Variants in CEP162 observed in about 807,000 individuals in gnomAD.
CEP162 encodes centrosomal protein of 162 kDa.
CEP162 carries 141 observed loss-of-function variants against 169.2 expected under a neutral mutation model. The observed-to-expected ratio is 0.83, with a 90% CI of 0.73 to 0.96. CEP162 has a LOEUF of 0.96. Among genes scored for constraint, CEP162 ranks in the 40% least tolerant of loss-of-function variants. The probability of loss-of-function intolerance (pLI) is 0.00; values close to 1 mark genes in which losing one functional copy is unlikely to be tolerated. For synonymous variants in CEP162, 540 were observed against 526.4 expected (o/e 1.03, Z -0.35); for missense variants, 1,600 against 1,587.2 (o/e 1.01, Z -0.14).
chr6:84,142,215 TACCAGTAAAAAGTTTG>T (rs1217382898), intron 25 of CEP162, among the ~76,000 whole-genome samples: 1 of 152,200 alleles, frequency 6.6e-6, no homozygotes. Flanking sequence ...TCCTCAGAAA[TACCAGTAAAAAGTTTG>T]GCCAGCTAAA....
rs371174624 is a variant in CEP162 at position 84,194,898 on chromosome 6, G to T, written c.1013C>A (p.Ser338Tyr). 58 of 1,608,664 alleles carry T rather than the reference G, an allele frequency of 3.6e-5. No individual in the cohort carries two copies. Among genetic ancestry groups the T allele is most frequent in the Non-Finnish European group, 4.9e-5 (58 of 1,176,772 alleles). ...TAAGTTTTTACCAGATTCCATAGTA[G>T]AGATGTTTTTTGAATTCTCTTCATT... ...QENEENSKNISTMESDLPTVE... is the reference protein window; with the variant it reads ...QENEENSKNIYTMESDLPTVE... Residue 338 changes from serine (S) to tyrosine (Y), a missense_variant, in exon 10 of 27, where the codon TCT becomes TAT. Coordinates refer to ENST00000403245, the MANE Select transcript of CEP162 (RefSeq NM_014895.4).
At chr6:84,195,349 A>G (rs1304486293) in intron 9 of CEP162, among the ~76,000 whole-genome samples, 1 of 152,174 alleles carries the variant, frequency 6.6e-6, no homozygotes, top group Non-Finnish European at 1.5e-5. Context: ...CCTCTGCATA[A>G]CTATTCTTAA....
At chr6:84,208,644 T>C (rs1049048297) in intron 6 of CEP162, among the ~76,000 whole-genome samples, 1 of 152,230 alleles carries the variant, frequency 6.6e-6, no homozygotes, top group Non-Finnish European at 1.5e-5. Flanking sequence ...ATAAGAAATA[T>C]GAGCTTGGAA....
In CEP162 at chr6:84,125,168, C is replaced by A. The variant is rs2099508401; in HGVS notation, c.4114G>T (p.Glu1372Ter). The change falls in exon 27 of 27, where the codon GAA (glutamate) becomes TAA (stop). Residue 1372 changes from glutamate (E) to a stop codon, truncating the protein, a stop_gained. Transcript: ENST00000403245. LOFTEE classifies it high-confidence loss of function. The part of the protein sequence containing the change: ...KNRELEKFRT[E>*]LDSILDVLRE... The stretch of plus-strand genomic sequence containing the variant: ...AGAACATCTAATATTGAGTCTAGTT[C>A]TGTGCGGAACTTCTCCAGCTCACGA... 2 of 1,613,542 alleles carry A rather than the reference C, an allele frequency of 1.2e-6. No individual in the cohort carries two copies. Among genetic ancestry groups the A allele is most frequent in the Admixed American group, 1.7e-5 (1 of 59,916 alleles).
Position 84,195,063 on chromosome 6 carries a change from C to T in CEP162, c.848G>A (p.Gly283Glu), listed in dbSNP as rs1481937069. ...GGCTTCAACGTCACTACTGCTTTGT[C>T]CATAAGAAACACCTGTTGAAATAAA... ...NEMTGTGVSY[G>E]QSSSDVEALH... is the part of the protein sequence containing the mutation. Residue 283 changes from glycine to glutamate, a missense_variant, in exon 10 of 27, where the codon GGA (glycine) becomes GAA (glutamate). Physicochemically the swap from Gly to Glu is moderately conservative, Grantham distance 98 (BLOSUM62 -2). Coordinates refer to ENST00000403245, the MANE Select transcript of CEP162 (RefSeq NM_014895.4). 6.3e-7 allele frequency: 1 copy of T among 1,578,688 alleles called. No homozygotes were observed. The highest frequency in any genetic ancestry group is 2.0e-5 in the Admixed American group (1 of 50,724).
chr6:84,160,669 T>C (rs2099525387), intron 21 of CEP162, 143 bp downstream of exon 21: 2 of 594,670 alleles, frequency 3.4e-6, no homozygotes, highest in Non-Finnish European at 6.0e-6. Context: ...TATAAAATGA[T>C]GTTATTACTT....
chr6:84,145,278 T>C (rs1011453335), intron 25 of CEP162, among the ~76,000 whole-genome samples: 27 of 152,256 alleles, frequency 1.8e-4, no homozygotes, highest in Middle Eastern at 3.4e-3. Flanking sequence ...GGCAAGCCTT[T>C]GGCATGCGTT....
chr6:84,149,748 A>T (rs1588732274), intron 23 of CEP162, 45 bp from the exon 24 acceptor site: 2 of 1,431,418 alleles, frequency 1.4e-6, no homozygotes, highest in South Asian at 1.7e-5. Context: ...GTGGCTCTTC[A>T]ACCTCTAATT....
chr6:84,207,468 CAGAAA>C (rs1331944531), intron 6 of CEP162, among the ~76,000 whole-genome samples: 1 of 149,480 alleles, frequency 6.7e-6, no homozygotes, highest in East Asian at 2.0e-4. Context: ...GTCGCAAGGA[CAGAAA>C]ACGAAACACC....
At chr6:84,206,406 A>C (rs1449442331) in intron 6 of CEP162, among the ~76,000 whole-genome samples, 8 of 152,162 alleles carry the variant, frequency 5.3e-5, no homozygotes, top group Admixed American at 2.6e-4. Flanking sequence ...AGCCCTCAGA[A>C]ATAATACCAC....
In CEP162 at chr6:84,154,312, ATATCTATCTATC is replaced by A. The variant is rs3837002; in HGVS notation, c.2994+974_2994+985del. Among the ~76,000 whole-genome samples the A allele has an allele frequency of 3.4e-3, 515 of 150,092 alleles. 6 individuals are homozygous for A. Among genetic ancestry groups the A allele is most frequent in the African/African-American group, 0.012 (475 of 39,802 alleles). On this transcript the variant is annotated intron_variant, in intron 22 of 26. Coordinates refer to ENST00000403245, the MANE Select transcript of CEP162 (RefSeq NM_014895.4). ...CTAGACTCCAGACATGTTATCAGGG[ATATCTATCTATC>A]TATCTATCTGTCTGTCTGTCTGTCT... is the stretch of plus-strand genomic sequence containing the variant.
At position 84,163,216 on chromosome 6, in the gene CEP162, CTTGT is replaced by C. The variant is rs762850491; in HGVS notation, c.2436_2439del (p.Gln813LeufsTer4). 6.2e-7 allele frequency: 1 copy of C among 1,610,480 alleles called. No homozygotes were observed. On this transcript the variant is annotated frameshift_variant, in exon 19 of 27. Transcript: ENST00000403245. LOFTEE classifies it high-confidence loss of function. ...ATTTTTTCGAAGTCTACTTCAAGAGCTTGTTTGTCTTGTTTCAGTCTTTTGATGT... is the reference window on the plus strand; with the variant it reads ...ATTTTTTCGAAGTCTACTTCAAGAGCTTGTCTTGTTTCAGTCTTTTGATGT...
chr6:84,201,375 T>C (rs1472898842), intron 8 of CEP162, among the ~76,000 whole-genome samples: 2 of 152,172 alleles, frequency 1.3e-5, no homozygotes, highest in African/African-American at 4.8e-5. Context: ...AACTTATATA[T>C]GTATATATGT....
Position 84,138,758 on chromosome 6 carries a change from A to T in CEP162, c.3870+7929T>A, listed in dbSNP as rs139877920. Among the ~76,000 whole-genome samples, 6 of 152,332 alleles carry T rather than the reference A, an allele frequency of 3.9e-5. No individual in the cohort carries two copies. The East Asian group carries it at 1.2e-3, about 29-fold the overall frequency. ...TAAAACTGACTTCATTATCTTGCAA[A>T]CAGGTACATATTCTTTCTTTTATTG... On this transcript the variant is annotated intron_variant, in intron 25 of 26. Coordinates refer to ENST00000403245, the MANE Select transcript of CEP162 (RefSeq NM_014895.4).
chr6:84,211,210 C>T (rs2099549258), intron 6 of CEP162, among the ~76,000 whole-genome samples: 1 of 150,628 alleles, frequency 6.6e-6, no homozygotes, highest in South Asian at 2.1e-4. Flanking sequence ...CCAAAATGAA[C>T]TGTTAGAGTG....
At chr6:84,154,358 G>GTCTGTCTA (rs1554165787) in intron 22 of CEP162, among the ~76,000 whole-genome samples, 235 of 149,764 alleles carry the variant, frequency 1.6e-3, no homozygotes, top group Non-Finnish European at 1.2e-3. Context: ...CTGTCTGTCT[G>GTCTGTCTA]TCTATCTATC....
At chr6:84,211,289 G>A (rs945709818) in intron 6 of CEP162, among the ~76,000 whole-genome samples, 7 of 151,624 alleles carry the variant, frequency 4.6e-5, no homozygotes, top group African/African-American at 1.7e-4. Flanking sequence ...AGCACTTTGG[G>A]AGGTCAAGGC....
chr6:84,194,827 TA>T, intron 10 of CEP162, 56 bp downstream of exon 10: 4 of 1,249,978 alleles, frequency 3.2e-6, no homozygotes, highest in East Asian at 2.4e-5. Flanking sequence ...TATATTACAC[TA>T]AAAACTCTTT....
chr6:84,202,467 A>G (rs1327077286), intron 7 of CEP162, among the ~76,000 whole-genome samples: 2 of 146,978 alleles, frequency 1.4e-5, no homozygotes, highest in African/African-American at 2.5e-5. Context: ...AATATACCAC[A>G]CTATTATGCC....
Sources: gnomAD v4.1 joint callset for allele counts (sites outside exome capture counted in the v4.1 genomes callset) on GRCh38, gnomAD v4.1.1 for gene constraint, MANE v1.5 for transcripts, NCBI Gene and HGNC (gene_info 2026-07-23, HGNC 2026-07-21) for gene names.